The following LRMDA variants were observed in gnomAD, a reference collection of about 807,000 sequenced individuals.
The protein encoded by LRMDA is leucine-rich melanocyte differentiation-associated protein.
LRMDA carries 18 observed loss-of-function variants against 29.8 expected under a neutral mutation model. That is an observed-to-expected ratio of 0.60 (90% CI 0.42 to 0.90). The LOEUF is 0.90. Ranked by LOEUF, LRMDA falls within the 40% of genes least tolerant of loss-of-function variation. The probability of loss-of-function intolerance (pLI) is 0.00; values close to 1 mark genes in which losing one functional copy is unlikely to be tolerated. For synonymous variants in LRMDA, 125 were observed against 109.4 expected (o/e 1.14, Z -0.89); for missense variants, 273 against 273.9 (o/e 1.00, Z 0.02).
At chr10:76,414,482 A>G (rs1385650510) in intron 6 of LRMDA, among the ~76,000 whole-genome samples, 1 of 152,152 alleles carries the variant, frequency 6.6e-6, no homozygotes, top group Non-Finnish European at 1.5e-5. Flanking sequence ...CCTGGGCTAG[A>G]GATAAAAGGA....
At chr10:75,701,638 T>C (rs12266063) in intron 2 of LRMDA, among the ~76,000 whole-genome samples, 6,115 of 152,262 alleles carry the variant, frequency 0.04, 311 homozygotes, top group African/African-American at 0.12. Flanking sequence ...TAATCTTTAG[T>C]CAAACAGCAC....
chr10:75,846,237 T>G (rs1053457421), intron 2 of LRMDA, among the ~76,000 whole-genome samples: 1 of 148,840 alleles, frequency 6.7e-6, no homozygotes, highest in Non-Finnish European at 1.5e-5. Flanking sequence ...CTCTTTAAAC[T>G]AAGCAGGATA....
At position 75,893,985 on chromosome 10, in the gene LRMDA, G is replaced by GT. The variant is rs970557279; in HGVS notation, c.132-142016dup. On this transcript the variant is annotated intron_variant, in intron 2 of 6. Coordinates refer to ENST00000611255, the MANE Select transcript of LRMDA (RefSeq NM_001305581.2). ...AGAAAAGTTCTCTGGGTGATTCTTTGTTTTTTTCTTTTTAGAACCTGATAA... is the reference window on the plus strand; with the variant it reads ...AGAAAAGTTCTCTGGGTGATTCTTTGTTTTTTTTCTTTTTAGAACCTGATAA... Among the ~76,000 whole-genome samples the GT allele has an allele frequency of 9.3e-5, 14 of 150,386 alleles. 1 individual carries two copies. The highest frequency in any genetic ancestry group is 3.4e-4 in the African/African-American group (14 of 41,088).
At chr10:75,898,010 G>A (rs1458193298) in intron 2 of LRMDA, among the ~76,000 whole-genome samples, 1 of 151,748 alleles carries the variant, frequency 6.6e-6, no homozygotes, top group African/African-American at 2.4e-5. Context: ...ATTTTTAGTA[G>A]AGACGGGGTT....
chr10:75,869,668 C>G (rs945925579), intron 2 of LRMDA, among the ~76,000 whole-genome samples: 1 of 152,200 alleles, frequency 6.6e-6, no homozygotes, highest in African/African-American at 2.4e-5. Flanking sequence ...CTTTCTGCAG[C>G]TCCTCATTGC....
chr10:76,048,965 C>A (rs1848487081), intron 4 of LRMDA, among the ~76,000 whole-genome samples: 1 of 152,088 alleles, frequency 6.6e-6, no homozygotes, highest in Non-Finnish European at 1.5e-5. Flanking sequence ...CTTTCCTTCT[C>A]AGGAACTAGG....
chr10:76,172,709 A>G (rs1000211855), intron 5 of LRMDA, among the ~76,000 whole-genome samples: 20 of 152,152 alleles, frequency 1.3e-4, no homozygotes, highest in African/African-American at 4.6e-4. Flanking sequence ...ATCAGAATAT[A>G]CAGGGCATCC....
chr10:76,192,394 G>C (rs1244061335), intron 5 of LRMDA, among the ~76,000 whole-genome samples: 2 of 152,144 alleles, frequency 1.3e-5, no homozygotes, highest in Non-Finnish European at 1.5e-5. Context: ...AACTACAGCT[G>C]TTCCATTTGA....
intron 2 of LRMDA, among the ~76,000 whole-genome samples, chr10:75,936,810 G>A (rs1846303256): frequency 6.6e-6 from 1 of 152,114 alleles, no homozygotes; most frequent in Non-Finnish European, 1.5e-5. Context: ...ACCTCCCAAA[G>A]ATCCTACACC....
chr10:75,654,475 C>A (rs1488267960), intron 2 of LRMDA, among the ~76,000 whole-genome samples: 1 of 152,202 alleles, frequency 6.6e-6, no homozygotes, highest in Non-Finnish European at 1.5e-5. Context: ...CCAGATTTAG[C>A]TTTCAACTCT....
At chr10:76,397,107 T>C (rs1381537000) in intron 6 of LRMDA, among the ~76,000 whole-genome samples, 1 of 152,186 alleles carries the variant, frequency 6.6e-6, no homozygotes, top group Non-Finnish European at 1.5e-5. Flanking sequence ...AAAATCATTT[T>C]ATTAAACCAT....
At chr10:75,504,226 G>A (rs12251551) in intron 2 of LRMDA, among the ~76,000 whole-genome samples, 1,815 of 152,148 alleles carry the variant, frequency 0.012, 32 homozygotes, top group African/African-American at 0.036. Flanking sequence ...ACTCCTGGGC[G>A]TAAGCAATCC....
intron 6 of LRMDA, among the ~76,000 whole-genome samples, chr10:76,533,559 C>T (rs539496443): frequency 5.3e-4 from 81 of 152,218 alleles, no homozygotes; most frequent in East Asian, 2.3e-3. Context: ...AATTAATTAA[C>T]GGAGGCTCTT....
chr10:76,527,606 A>G (rs1022741865), intron 6 of LRMDA, among the ~76,000 whole-genome samples: 2 of 152,260 alleles, frequency 1.3e-5, no homozygotes, highest in African/African-American at 4.8e-5. Flanking sequence ...TAAAATGGGG[A>G]CAAGAATACA....
intron 5 of LRMDA, among the ~76,000 whole-genome samples, chr10:76,091,213 G>A (rs1849225524): frequency 6.6e-6 from 1 of 151,518 alleles, no homozygotes; most frequent in African/African-American, 2.4e-5. Flanking sequence ...CCCTCACTTT[G>A]GTGTTTCAGA....
At chr10:76,234,657 T>G (rs774607592) in intron 5 of LRMDA, among the ~76,000 whole-genome samples, 7 of 152,240 alleles carry the variant, frequency 4.6e-5, no homozygotes, top group Non-Finnish European at 1.0e-4. Flanking sequence ...TTTGCTGCAA[T>G]TTTTCCATCA....
At chr10:75,660,642 A>G (rs564201518) in intron 2 of LRMDA, among the ~76,000 whole-genome samples, 8 of 152,198 alleles carry the variant, frequency 5.3e-5, no homozygotes, top group Non-Finnish European at 5.9e-5. Context: ...CTGTAAAAAT[A>G]AAATAAAATA....
rs1465030573 is a variant in LRMDA, at chr10:76,005,532, G to A, written c.132-30476G>A. 2.6e-5 allele frequency among the ~76,000 whole-genome samples: 4 copies of A among 152,188 alleles called. No homozygotes were observed. In the East Asian group the frequency reaches 7.7e-4, roughly 29 times the overall value. ...TGAGGCTGAGACGGGAGGAGCACTT[G>A]AGCCCAGGAGTTTGAGGCTGCAGTG... On this transcript the variant is annotated intron_variant, in intron 2 of 6. Coordinates refer to ENST00000611255, the MANE Select transcript of LRMDA (RefSeq NM_001305581.2).
rs59846541 is a variant in LRMDA, at chr10:76,264,406, C to CAAA, written c.517-59946_517-59944dup. 5.5e-4 allele frequency among the ~76,000 whole-genome samples: 19 copies of CAAA among 34,294 alleles called. 3 individuals carry two copies. The highest frequency in any genetic ancestry group is 8.3e-4 in the Non-Finnish European group (16 of 19,226). The allele number at this position is 34,294 out of a possible 152,430, so 22.5% of individuals were successfully genotyped here. A position where few individuals can be genotyped will look rare whatever the true frequency, so the allele number is the denominator to read the frequency against. ...TGGGTAACAGAGCAAGACTCTGTCT[C>CAAA]AAAAAAAAAAAAAAAAAAAAAAAAA... On this transcript the variant is annotated intron_variant, in intron 5 of 6. Transcript: ENST00000611255.
Sources: gnomAD v4.1 joint callset for allele counts (sites outside exome capture counted in the v4.1 genomes callset) on GRCh38, gnomAD v4.1.1 for gene constraint, MANE v1.5 for transcripts, NCBI Gene and HGNC (gene_info 2026-07-23, HGNC 2026-07-21) for gene names.